Variants in ELOVL6 observed in about 807,000 individuals in gnomAD.
The protein encoded by ELOVL6 is very long chain fatty acid elongase 6.
A neutral mutation model predicts 31.7 loss-of-function variants in ELOVL6; 8 were observed. The observed-to-expected ratio is 0.25, with a 90% CI of 0.15 to 0.45. The LOEUF (loss-of-function observed/expected upper bound fraction) is 0.45, where lower values mean the gene tolerates loss of function less well. ELOVL6 is among the 20% of genes least tolerant of loss of function. The pLI is 1.00. For missense variants in ELOVL6, 126 were observed against 326.4 expected, an observed-to-expected ratio of 0.39 and a Z score of 4.73; for synonymous variants, 101 against 117.7, an observed-to-expected ratio of 0.86 and a Z score of 0.92.
At chr4:110,074,582 C>CT (rs1755578499) in intron 2 of ELOVL6, among the ~76,000 whole-genome samples, 1 of 152,084 alleles carries the variant, frequency 6.6e-6, no homozygotes, top group African/African-American at 2.4e-5. Context: ...GCAGTAAACT[C>CT]TGATAGGAAT....
rs542633849 is a variant in ELOVL6 at position 110,198,533 on chromosome 4, C to G, written c.-198G>C. 1.8e-6 allele frequency: 1 copy of G among 540,772 alleles called. No homozygotes were observed. The highest frequency in any genetic ancestry group is 2.0e-5 in the African/African-American group (1 of 51,252). The allele number at this position is 540,772 out of a possible 1,614,324, so 33.5% of individuals were successfully genotyped here. Reference sequence around the variant, plus strand: ...GGGCTGAGCATTGCCTGCGCCTCCGCTCCCAGCTCCTCTCTCTGGGGCTCT... The same window carrying G: ...GGGCTGAGCATTGCCTGCGCCTCCGGTCCCAGCTCCTCTCTCTGGGGCTCT... On this transcript the variant is annotated 5_prime_UTR_variant, in exon 1 of 4. Coordinates refer to ENST00000302274, the MANE Select transcript of ELOVL6 (RefSeq NM_024090.3).
chr4:110,114,589 C>T (rs892978401), intron 1 of ELOVL6, among the ~76,000 whole-genome samples: 8 of 152,126 alleles, frequency 5.3e-5, no homozygotes, highest in African/African-American at 1.7e-4. Context: ...GACCCAAATG[C>T]TGAAGCCACT....
intron 1 of ELOVL6, among the ~76,000 whole-genome samples, chr4:110,173,489 C>T (rs1407367068): frequency 6.6e-6 from 1 of 151,272 alleles, no homozygotes; most frequent in East Asian, 2.0e-4. Flanking sequence ...TCTAGTTCTG[C>T]AAAAGGCCAC....
chr4:110,073,030 G>A (rs1755534982), intron 2 of ELOVL6, among the ~76,000 whole-genome samples: 1 of 152,196 alleles, frequency 6.6e-6, no homozygotes, highest in African/African-American at 2.4e-5. Flanking sequence ...TCTGTGGTTT[G>A]TGAATCTGGA....
intron 1 of ELOVL6, among the ~76,000 whole-genome samples, chr4:110,180,286 C>G (rs1255391360): frequency 6.6e-6 from 1 of 152,192 alleles, no homozygotes; most frequent in African/African-American, 2.4e-5. Context: ...TCTCGTCTCA[C>G]TCTAACAGCA....
intron 1 of ELOVL6, among the ~76,000 whole-genome samples, chr4:110,180,475 C>T (rs752606449): frequency 5.1e-4 from 77 of 152,268 alleles, no homozygotes; most frequent in East Asian, 5.8e-4. Flanking sequence ...CCTCAAACTC[C>T]GGGCTCAAGC....
At chr4:110,071,713 C>T (rs1755489450) in intron 2 of ELOVL6, among the ~76,000 whole-genome samples, 1 of 152,092 alleles carries the variant, frequency 6.6e-6, no homozygotes, top group South Asian at 2.1e-4. Context: ...GGATGCCAGG[C>T]GTCTAAGCAC....
At chr4:110,169,443 T>C (rs916915782) in intron 1 of ELOVL6, among the ~76,000 whole-genome samples, 3 of 57,218 alleles carry the variant, frequency 5.2e-5, no homozygotes, top group African/African-American at 2.0e-4. Context: ...TTCACCATGT[T>C]GGCCAGGCTG....
chr4:110,079,322 T>C (rs941064108), intron 2 of ELOVL6, among the ~76,000 whole-genome samples: 14 of 152,146 alleles, frequency 9.2e-5, no homozygotes, highest in Admixed American at 2.6e-4. Context: ...CATTACAAAA[T>C]TGACTGCATA....
intron 1 of ELOVL6, among the ~76,000 whole-genome samples, chr4:110,168,081 A>G (rs556195956): frequency 2.6e-4 from 39 of 152,340 alleles, no homozygotes; most frequent in African/African-American, 9.1e-4. Flanking sequence ...CTTTGTATCA[A>G]TTTATGAACA....
chr4:110,186,077 C>G (rs1759429274), intron 1 of ELOVL6, among the ~76,000 whole-genome samples: 1 of 152,038 alleles, frequency 6.6e-6, no homozygotes, highest in African/African-American at 2.4e-5. Context: ...GTAGTCTCAG[C>G]TACTCAGGAG....
chr4:110,102,083 T>A (rs538086580), intron 2 of ELOVL6, among the ~76,000 whole-genome samples: 1 of 152,182 alleles, frequency 6.6e-6, no homozygotes, highest in South Asian at 2.1e-4. Flanking sequence ...CATAGAGAAA[T>A]CTCAATATGT....
chr4:110,180,478 G>C (rs537714671), intron 1 of ELOVL6, among the ~76,000 whole-genome samples: 1 of 152,270 alleles, frequency 6.6e-6, no homozygotes, highest in South Asian at 2.1e-4. Context: ...CAAACTCCGG[G>C]CTCAAGCAAT....
At chr4:110,085,058 A>G (rs781235437) in intron 2 of ELOVL6, among the ~76,000 whole-genome samples, 1 of 152,192 alleles carries the variant, frequency 6.6e-6, no homozygotes, top group Non-Finnish European at 1.5e-5. Context: ...AGGGCTGGCT[A>G]AGAACATTTT....
rs1553955997 is a variant in ELOVL6 at position 110,084,135 on chromosome 4, A to ATATGATATATATCACATATATG, written c.221+21361_221+21362insCATATATGTGATATATATCATA. 3.4e-4 allele frequency among the ~76,000 whole-genome samples: 12 copies of ATATGATATATATCACATATATG among 35,300 alleles called. 1 individual carries two copies. The South Asian group carries it at 3.4e-3, about 10-fold the overall frequency. 23.2% of individuals were successfully genotyped at this position (35,300 alleles called of 152,430 possible). On this transcript the variant is annotated intron_variant, in intron 2 of 3. Transcript: ENST00000302274. ...TGATATATATAACATATATGTGATAATGATATATATGATATATATAACATA... is the reference window on the plus strand; with the variant it reads ...TGATATATATAACATATATGTGATAATATGATATATATCACATATATGTGATATATATGATATATATAACATA...
chr4:110,113,932 C>T (rs766385514), intron 1 of ELOVL6, among the ~76,000 whole-genome samples: 4 of 152,108 alleles, frequency 2.6e-5, no homozygotes, highest in Non-Finnish European at 5.9e-5. Flanking sequence ...TGAGGCAATG[C>T]TCACTTGTTA....
chr4:110,073,809 A>G (rs986278692), intron 2 of ELOVL6, among the ~76,000 whole-genome samples: 2 of 151,988 alleles, frequency 1.3e-5, no homozygotes, highest in African/African-American at 4.8e-5. Context: ...GTGAGAGGGG[A>G]AATAAAAAGA....
intron 1 of ELOVL6, among the ~76,000 whole-genome samples, chr4:110,158,657 A>ATATATATATATTTTTTTTTT: frequency 2.7e-5 from 2 of 74,160 alleles, no homozygotes; most frequent in Non-Finnish European, 2.3e-5. Flanking sequence ...ATATATATAT[A>ATATATATATATTTTTTTTTT]TTTTTTTTTT....
intron 1 of ELOVL6, among the ~76,000 whole-genome samples, chr4:110,115,817 T>TA (rs1757153691): frequency 6.6e-6 from 1 of 152,224 alleles, no homozygotes; most frequent in Admixed American, 6.5e-5. Flanking sequence ...AAATGAGTCT[T>TA]ACGGGGCTAA....
Sources: gnomAD v4.1 joint callset for allele counts (sites outside exome capture counted in the v4.1 genomes callset) on GRCh38, gnomAD v4.1.1 for gene constraint, MANE v1.5 for transcripts, NCBI Gene and HGNC (gene_info 2026-07-23, HGNC 2026-07-21) for gene names.